The following MEGF9 variants were observed in gnomAD, a reference collection of about 807,000 sequenced individuals.
The protein encoded by MEGF9 is multiple epidermal growth factor-like domains protein 9.
Under a neutral mutation model 46.8 loss-of-function variants are expected in MEGF9, and 6 were observed. That is an observed-to-expected ratio of 0.13 (90% CI 0.07 to 0.25). MEGF9 has a LOEUF of 0.25. Among genes scored for constraint, MEGF9 ranks in the 10% least tolerant of loss-of-function variants. The pLI is 1.00. For missense variants in MEGF9, 683 were observed against 792.4 expected (o/e 0.86, Z 1.66); for synonymous variants, 302 against 330.7 (o/e 0.91, Z 0.94).
rs182049970 is a variant in MEGF9 at position 120,677,287 on chromosome 9, C to T, written c.602-17712G>A. Among the ~76,000 whole-genome samples, 128 of 151,980 alleles carry T rather than the reference C, an allele frequency of 8.4e-4. 1 individual carries two copies. Among genetic ancestry groups the T allele is most frequent in the Non-Finnish European group, 1.6e-3 (112 of 67,974 alleles). On this transcript the variant is annotated intron_variant, in intron 1 of 5. Transcript: ENST00000373930. Reference sequence around the variant, plus strand: ...GGGACTACAGGCGTGCACCACCATGCCAGCCTAATTAAAAAAAAAATTTTT... The same window carrying T: ...GGGACTACAGGCGTGCACCACCATGTCAGCCTAATTAAAAAAAAAATTTTT...
chr9:120,614,081 G>C (rs1301175404), intron 3 of MEGF9, among the ~76,000 whole-genome samples: 1 of 151,350 alleles, frequency 6.6e-6, no homozygotes, highest in Non-Finnish European at 1.5e-5. Context: ...GCAGTGGCAT[G>C]ATCTCTGCTC....
chr9:120,687,272 C>G (rs1470923923), intron 1 of MEGF9, among the ~76,000 whole-genome samples: 2 of 152,116 alleles, frequency 1.3e-5, no homozygotes, highest in Non-Finnish European at 2.9e-5. Flanking sequence ...TCTGCATTAC[C>G]TGGGAACTTG....
intron 2 of MEGF9, among the ~76,000 whole-genome samples, chr9:120,658,611 G>C (rs758253243): frequency 6.6e-6 from 1 of 151,976 alleles, no homozygotes; most frequent in Non-Finnish European, 1.5e-5. Context: ...GCAGATCTTG[G>C]GTTATACCCA....
rs376741644 is a variant in MEGF9, at chr9:120,637,133, A to G, written c.804-14378T>C. 2.0e-4 allele frequency among the ~76,000 whole-genome samples: 30 copies of G among 152,294 alleles called. 1 individual carries two copies. The East Asian group carries it at 5.6e-3, about 28-fold the overall frequency. ...AATCTATAACCTTACCCCCAACCCC[A>G]TGCTCTCTGAAACATGTGCTGTGTC... is the stretch of plus-strand genomic sequence containing the variant. On this transcript the variant is annotated intron_variant, in intron 2 of 5. Coordinates refer to ENST00000373930, the MANE Select transcript of MEGF9 (RefSeq NM_001080497.3).
At chr9:120,704,311 G>GCTGT (rs1445566083) in intron 1 of MEGF9, among the ~76,000 whole-genome samples, 1 of 151,850 alleles carries the variant, frequency 6.6e-6, no homozygotes, top group Non-Finnish European at 1.5e-5. Flanking sequence ...CCCAGCCTGG[G>GCTGT]CGACAGAGCG....
chr9:120,712,881 C>A (rs1437333082), intron 1 of MEGF9, among the ~76,000 whole-genome samples: 2 of 152,100 alleles, frequency 1.3e-5, no homozygotes, highest in East Asian at 3.8e-4. Flanking sequence ...AAGATTTAAA[C>A]GGGGAAAGAA....
At chr9:120,667,593 T>C (rs1389219491) in intron 1 of MEGF9, among the ~76,000 whole-genome samples, 1 of 152,198 alleles carries the variant, frequency 6.6e-6, no homozygotes, top group Non-Finnish European at 1.5e-5. Flanking sequence ...ACTTCACCCA[T>C]TTTCACAAGC....
chr9:120,640,638 C>T (rs756669397), intron 2 of MEGF9, among the ~76,000 whole-genome samples: 38 of 152,114 alleles, frequency 2.5e-4, no homozygotes, highest in South Asian at 4.2e-4. Flanking sequence ...GACTTCTAAG[C>T]GCAATATTTA....
At position 120,659,511 on chromosome 9, in the gene MEGF9, C is replaced by A; in HGVS notation, c.666G>T (p.Gly222=). The A allele has an allele frequency of 1.2e-6, 2 of 1,613,748 alleles. No individual in the cohort carries two copies. The highest frequency in any genetic ancestry group is 1.7e-6 in the Non-Finnish European group (2 of 1,179,796). ...LNVNRCNQTT[G]QCECRPGYQG... ...GATAACCTGGCCGACACTCACACTG[C>A]CCTGTGGTCTGGTTGCAGCGATTCA... The change falls in exon 2 of 6, where the codon GGG becomes GGT. Residue 222 remains glycine, a synonymous_variant. Transcript: ENST00000373930.
intron 1 of MEGF9, among the ~76,000 whole-genome samples, chr9:120,709,011 A>C (rs906754138): frequency 1.3e-5 from 2 of 152,186 alleles, no homozygotes; most frequent in Non-Finnish European, 2.9e-5. Context: ...CCACATCAAC[A>C]TCAGTACCCC....
At position 120,613,376 on chromosome 9, in the gene MEGF9, C is replaced by T. The variant is rs74937081; in HGVS notation, c.944-837G>A. ...GAGGGAGGGGGGTAAAACAGGACTA[C>T]GGAGGAAAAGAGGACCTCAACTTTA... On this transcript the variant is annotated intron_variant, in intron 3 of 5. Coordinates refer to ENST00000373930, the MANE Select transcript of MEGF9 (RefSeq NM_001080497.3). Among the ~76,000 whole-genome samples the T allele has an allele frequency of 7.3e-5, 11 of 151,256 alleles. No homozygotes were observed. The East Asian group carries it at 1.9e-3, about 27-fold the overall frequency.
chr9:120,652,861 G>C (rs796393962), intron 2 of MEGF9, among the ~76,000 whole-genome samples: 6 of 152,146 alleles, frequency 3.9e-5, no homozygotes, highest in African/African-American at 1.4e-4. Flanking sequence ...CTATCTAACT[G>C]TATTTTTGTA....
At chr9:120,628,010 C>T (rs558555323) in intron 2 of MEGF9, among the ~76,000 whole-genome samples, 1 of 152,206 alleles carries the variant, frequency 6.6e-6, no homozygotes, top group South Asian at 2.1e-4. Flanking sequence ...GAGACTGAAA[C>T]TAGTAATTAA....
intron 2 of MEGF9, among the ~76,000 whole-genome samples, chr9:120,627,555 T>G (rs7871141): frequency 6.6e-6 from 1 of 152,108 alleles, no homozygotes; most frequent in Admixed American, 6.5e-5. Flanking sequence ...CTCCGCCTCC[T>G]GGGTTCAAGC....
intron 2 of MEGF9, among the ~76,000 whole-genome samples, chr9:120,627,366 GAT>G (rs2043529804): frequency 6.6e-6 from 1 of 152,152 alleles, no homozygotes; most frequent in South Asian, 2.1e-4. Context: ...AGATTTACAA[GAT>G]ATAAAGTACG....
chr9:120,685,239 C>T (rs761651464), intron 1 of MEGF9, among the ~76,000 whole-genome samples: 1 of 152,230 alleles, frequency 6.6e-6, no homozygotes, highest in African/African-American at 2.4e-5. Context: ...ATGTTCCTGA[C>T]ATACTCCTAA....
At chr9:120,655,870 A>G (rs1157876344) in intron 2 of MEGF9, among the ~76,000 whole-genome samples, 1 of 152,248 alleles carries the variant, frequency 6.6e-6, no homozygotes, top group African/African-American at 2.4e-5. Context: ...AATTGTTGAC[A>G]TGTGATTCTG....
At chr9:120,637,790 C>CAAAAAAAAAAAAA (rs34861368) in intron 2 of MEGF9, among the ~76,000 whole-genome samples, 4 of 34,786 alleles carry the variant, frequency 1.1e-4, no homozygotes, top group African/African-American at 4.5e-4. Flanking sequence ...GACTCTGTCT[C>CAAAAAAAAAAAAA]AAAAAAAAAA....
intron 1 of MEGF9, among the ~76,000 whole-genome samples, chr9:120,681,572 G>GAA (rs111533821): frequency 1.5e-3 from 212 of 141,906 alleles, no homozygotes; most frequent in African/African-American, 5.3e-3. Flanking sequence ...TGTGCCTAAT[G>GAA]AAAAAAAAAA....
Sources: gnomAD v4.1 joint callset for allele counts (sites outside exome capture counted in the v4.1 genomes callset) on GRCh38, gnomAD v4.1.1 for gene constraint, MANE v1.5 for transcripts, NCBI Gene and HGNC (gene_info 2026-07-23, HGNC 2026-07-21) for gene names.